Variants in TPRG1 observed in about 807,000 individuals in gnomAD.
TPRG1 encodes the protein tumor protein p63 regulated 1, also known as tumor protein p63-regulated gene 1 protein.
TPRG1 carries 29 observed loss-of-function variants against 29.3 expected under a neutral mutation model. That is an observed-to-expected ratio of 0.99 (90% confidence interval 0.74 to 1.35). The LOEUF is 1.35. Ranked by LOEUF, TPRG1 falls within the 40% of genes most tolerant of loss-of-function variation. The probability of loss-of-function intolerance (pLI) is 0.00; values close to 1 mark genes in which losing one functional copy is unlikely to be tolerated. For synonymous variants in TPRG1, 130 were observed against 116.8 expected (o/e 1.11, Z -0.73); for missense variants, 327 against 335.0 (o/e 0.98, Z 0.19).
rs1724297415 is a variant in TPRG1, at chr3:189,321,304, T to C, written c.*484T>C. On this transcript the variant is annotated 3_prime_UTR_variant, in exon 6 of 6. Transcript: ENST00000345063. ...TCCCAATATTTATTCCAAGACTCAG[T>C]TTTGCATTTCTGACTGCTAATCATC... The C allele has an allele frequency of 6.6e-6, 1 of 152,068 alleles. No homozygotes were observed. The highest frequency in any genetic ancestry group is 2.4e-5 in the African/African-American group (1 of 41,402). The allele number at this position is 152,068 out of a possible 1,614,324, so 9.4% of individuals were successfully genotyped here.
intron 4 of TPRG1, among the ~76,000 whole-genome samples, chr3:189,074,486 G>A (rs1717012222): frequency 6.6e-6 from 1 of 151,962 alleles, no homozygotes; most frequent in East Asian, 1.9e-4. Context: ...TTACAGGTGT[G>A]AGCCACCGCG....
intron 1 of TPRG1, among the ~76,000 whole-genome samples, chr3:189,101,256 A>G (rs2152190913): frequency 6.6e-6 from 1 of 152,266 alleles, no homozygotes; most frequent in Middle Eastern, 3.4e-3. Flanking sequence ...CCCTAATTGA[A>G]ACTTGGTCTC....
At chr3:189,193,061 G>A (rs1035215946) in intron 1 of TPRG1, among the ~76,000 whole-genome samples, 2 of 151,072 alleles carry the variant, frequency 1.3e-5, no homozygotes, top group Non-Finnish European at 2.9e-5. Context: ...GTCTTACAGG[G>A]ATTCTCTTAT....
intron 4 of TPRG1, among the ~76,000 whole-genome samples, chr3:189,273,546 G>T (rs1715581433): frequency 6.6e-6 from 1 of 152,290 alleles, no homozygotes; most frequent in African/African-American, 2.4e-5. Flanking sequence ...TGCTGATATT[G>T]TCCCTACGTA....
At chr3:189,158,223 T>G (rs762174607) in intron 5 of TPRG1, among the ~76,000 whole-genome samples, 8 of 152,230 alleles carry the variant, frequency 5.3e-5, no homozygotes, top group South Asian at 2.1e-4. Context: ...ACTTACTTAG[T>G]GCACCACACA....
intron 1 of TPRG1, among the ~76,000 whole-genome samples, chr3:189,124,124 C>A (rs188326891): frequency 6.6e-6 from 1 of 152,240 alleles, no homozygotes; most frequent in South Asian, 2.1e-4. Flanking sequence ...CACTAATTCA[C>A]GTGTTCATTC....
At chr3:189,292,380 G>T (rs1719166106) in intron 4 of TPRG1, among the ~76,000 whole-genome samples, 1 of 150,334 alleles carries the variant, frequency 6.7e-6, no homozygotes, top group African/African-American at 2.5e-5. Context: ...ATTACATTAG[G>T]TTATCAACAG....
intron 3 of TPRG1, among the ~76,000 whole-genome samples, chr3:189,235,943 T>C (rs1391231471): frequency 6.6e-6 from 1 of 152,232 alleles, no homozygotes; most frequent in African/African-American, 2.4e-5. Flanking sequence ...CTTGTAAACC[T>C]TTCTGAGCTG....
intron 4 of TPRG1, among the ~76,000 whole-genome samples, chr3:189,260,275 G>A (rs769752172): frequency 5.9e-5 from 9 of 152,168 alleles, no homozygotes; most frequent in Admixed American, 6.5e-5. Flanking sequence ...TTTGAATTAC[G>A]CAAGCATCTT....
chr3:189,111,443 G>A (rs1168395709), intron 1 of TPRG1, among the ~76,000 whole-genome samples: 5 of 151,860 alleles, frequency 3.3e-5, no homozygotes, highest in African/African-American at 1.2e-4. Context: ...TTTATGTTGG[G>A]TTTATCAGGA....
At chr3:189,290,340 A>T (rs1476274681) in intron 4 of TPRG1, among the ~76,000 whole-genome samples, 1 of 152,132 alleles carries the variant, frequency 6.6e-6, no homozygotes, top group East Asian at 1.9e-4. Flanking sequence ...AAACCACTTA[A>T]CACCTCCTCC....
At chr3:189,258,602 C>G (rs939159787) in intron 4 of TPRG1, among the ~76,000 whole-genome samples, 1 of 152,168 alleles carries the variant, frequency 6.6e-6, no homozygotes, top group South Asian at 2.1e-4. Flanking sequence ...ACTGTGCCCA[C>G]AGCCGCCCCT....
intron 4 of TPRG1, among the ~76,000 whole-genome samples, chr3:189,052,724 CTATT>C (rs1715404861): frequency 6.6e-6 from 1 of 151,828 alleles, no homozygotes; most frequent in Non-Finnish European, 1.5e-5. Flanking sequence ...GATAAAGAAA[CTATT>C]ATATATATAT....
At chr3:189,197,439 G>T (rs370092936) in intron 1 of TPRG1, among the ~76,000 whole-genome samples, 28 of 152,206 alleles carry the variant, frequency 1.8e-4, no homozygotes, top group East Asian at 1.7e-3. Flanking sequence ...TGGTGACTTA[G>T]TCTTATTTAT....
chr3:189,319,749 A>C (rs995941335), intron 5 of TPRG1, among the ~76,000 whole-genome samples: 1 of 152,104 alleles, frequency 6.6e-6, no homozygotes, highest in Non-Finnish European at 1.5e-5. Context: ...ACTCCTTCCT[A>C]AAATCACATC....
intron 1 of TPRG1, among the ~76,000 whole-genome samples, chr3:189,195,214 A>G (rs1448573719): frequency 6.6e-6 from 1 of 152,034 alleles, no homozygotes; most frequent in African/African-American, 2.4e-5. Context: ...ACTGGGGTGC[A>G]TGACCACTCT....
intron 1 of TPRG1, among the ~76,000 whole-genome samples, chr3:189,197,322 C>T (rs552360981): frequency 3.3e-5 from 5 of 152,258 alleles, no homozygotes; most frequent in South Asian, 4.2e-4. Flanking sequence ...ACAGGCTCTC[C>T]GAGTGCATTA....
Position 189,321,972 on chromosome 3 carries a change from G to A in TPRG1, c.*1152G>A, listed in dbSNP as rs553828137. The stretch of plus-strand genomic sequence containing the variant: ...CTCTTTTCCCTCTTATTTCCTCTTT[G>A]TCTCTTCCCGACTTAGATCTAATTT... On this transcript the variant is annotated 3_prime_UTR_variant, in exon 6 of 6. Transcript: ENST00000345063. 4.6e-5 allele frequency: 7 copies of A among 151,894 alleles called. No homozygotes were observed. The South Asian group carries it at 1.2e-3, about 27-fold the overall frequency. 9.4% of individuals were successfully genotyped at this position (151,894 alleles called of 1,614,324 possible).
At chr3:189,097,465 T>C (rs1251402347), upstream of TPRG1, among the ~76,000 whole-genome samples, 1 of 152,212 alleles carries the variant, frequency 6.6e-6, no homozygotes, top group African/African-American at 2.4e-5. Context: ...TATATCTCAA[T>C]TGCACAACTA....
Sources: allele counts gnomAD v4.1 joint callset (sites outside exome capture counted in the v4.1 genomes callset), GRCh38; gene constraint gnomAD v4.1.1; transcripts MANE v1.5; gene names NCBI Gene and HGNC (gene_info 2026-07-23, HGNC 2026-07-21).